Variants in PPP2R2B observed in about 807,000 individuals in gnomAD.
PPP2R2B encodes protein phosphatase 2 regulatory subunit Bbeta.
Under a neutral mutation model 46.0 loss-of-function variants are expected in PPP2R2B, and 5 were observed. That is an observed-to-expected ratio of 0.11 (90% CI 0.06 to 0.23). PPP2R2B has a LOEUF of 0.23. Ranked by LOEUF, PPP2R2B falls within the 10% of genes least tolerant of loss-of-function variation. PPP2R2B has a pLI of 1.00. For missense variants in PPP2R2B, 367 were observed against 575.0 expected (o/e 0.64, Z 3.70); for synonymous variants, 215 against 206.7 (o/e 1.04, Z -0.34).
chr5:146,751,510 T>A (rs928165258), intron 2 of PPP2R2B: 4 of 152,258 alleles, frequency 2.6e-5, no homozygotes, highest in African/African-American at 7.2e-5. Context: ...TTGCAGCATA[T>A]CATGACTCAA....
intron 2 of PPP2R2B, among the ~76,000 whole-genome samples, chr5:146,864,186 T>G (rs1238327639): frequency 6.6e-6 from 1 of 152,066 alleles, no homozygotes; most frequent in Non-Finnish European, 1.5e-5. Flanking sequence ...CTTCCATCAT[T>G]AGGTGGCTAG....
At chr5:146,907,803 C>A (rs542832362) in intron 1 of PPP2R2B, among the ~76,000 whole-genome samples, 1 of 152,236 alleles carries the variant, frequency 6.6e-6, no homozygotes, top group East Asian at 1.9e-4. Context: ...CTATTGGGTC[C>A]TGTGTGTTTA....
At chr5:147,059,936 G>C (rs753927081), upstream of PPP2R2B, among the ~76,000 whole-genome samples, 1 of 152,090 alleles carries the variant, frequency 6.6e-6, no homozygotes, top group Non-Finnish European at 1.5e-5. Flanking sequence ...TTACAGAAAA[G>C]TTACCCTGAT....
At chr5:146,770,464 T>G (rs1167083420) in intron 2 of PPP2R2B, among the ~76,000 whole-genome samples, 4 of 151,834 alleles carry the variant, frequency 2.6e-5, no homozygotes, top group African/African-American at 9.7e-5. Context: ...TACTACTAAG[T>G]AAGAAACTAT....
rs72825263 is a variant in PPP2R2B, at chr5:146,948,918, C to T, written c.79+106747G>A. ...TCCTGAAACTGCTGTACATAAGACTCATCTAAGGACTTTGCTAAAAATCAC... is the reference window on the plus strand; with the variant it reads ...TCCTGAAACTGCTGTACATAAGACTTATCTAAGGACTTTGCTAAAAATCAC... On this transcript the variant is annotated intron_variant, in intron 1 of 8. Transcript: ENST00000336640. Among the ~76,000 whole-genome samples, 224 of 152,202 alleles carry T rather than the reference C, an allele frequency of 1.5e-3. 4 individuals carry two copies. In the South Asian group the frequency reaches 0.029, roughly 20 times the overall value.
chr5:146,712,070 A>AT (rs1353832498), intron 2 of PPP2R2B, among the ~76,000 whole-genome samples: 1 of 152,166 alleles, frequency 6.6e-6, no homozygotes, highest in Non-Finnish European at 1.5e-5. Context: ...CAAGGATTTG[A>AT]TTTTTTCCTC....
chr5:146,923,656 T>A (rs1011623980), intron 1 of PPP2R2B, among the ~76,000 whole-genome samples: 2 of 152,188 alleles, frequency 1.3e-5, no homozygotes, highest in Non-Finnish European at 2.9e-5. Context: ...TTGAAGACAG[T>A]GTGGCAATTC....
chr5:146,900,426 C>A (rs1762788683), intron 1 of PPP2R2B, among the ~76,000 whole-genome samples: 1 of 152,124 alleles, frequency 6.6e-6, no homozygotes, highest in Non-Finnish European at 1.5e-5. Flanking sequence ...TGTAAAGGAA[C>A]ATTATGTCAT....
chr5:146,843,420 G>A (rs1314633734), intron 2 of PPP2R2B, among the ~76,000 whole-genome samples: 1 of 152,168 alleles, frequency 6.6e-6, no homozygotes, highest in Non-Finnish European at 1.5e-5. Flanking sequence ...TGCAGTGATA[G>A]AGTAGATAAG....
At chr5:147,014,250 G>A (rs1490455566) in intron 1 of PPP2R2B, among the ~76,000 whole-genome samples, 4,324 of 145,880 alleles carry the variant, frequency 0.03, 241 homozygotes, top group African/African-American at 0.1. Context: ...GTGCTGGAGA[G>A]GATGTGGAGA....
intron 1 of PPP2R2B, among the ~76,000 whole-genome samples, chr5:146,960,251 A>G (rs1752107526): frequency 6.6e-6 from 1 of 152,126 alleles, no homozygotes; most frequent in Non-Finnish European, 1.5e-5. Context: ...AAGGCATTTC[A>G]TCACTCAGAT....
intron 2 of PPP2R2B, among the ~76,000 whole-genome samples, chr5:146,757,182 G>C (rs1367591723): frequency 1.3e-5 from 2 of 152,128 alleles, no homozygotes; most frequent in Non-Finnish European, 2.9e-5. Context: ...GAGTGGAGAG[G>C]GAGGGAGGTA....
intron 7 of PPP2R2B, among the ~76,000 whole-genome samples, chr5:146,631,868 G>A (rs962711506): frequency 6.6e-6 from 1 of 152,098 alleles, no homozygotes; most frequent in East Asian, 1.9e-4. Flanking sequence ...CTTCCAATGT[G>A]TCAGGGGCTG....
chr5:147,048,620 GTTTTACAACACTT>G (rs1421109217), intron 1 of PPP2R2B, among the ~76,000 whole-genome samples: 1 of 152,056 alleles, frequency 6.6e-6, no homozygotes, highest in Non-Finnish European at 1.5e-5. Flanking sequence ...TATGCTAGGT[GTTTTACAACACTT>G]TTTTTCACTC....
Position 146,836,987 on chromosome 5 carries a change from G to A in PPP2R2B, c.70+41015C>T, listed in dbSNP as rs372308055. On this transcript the variant is annotated intron_variant, in intron 2 of 9. Transcript: ENST00000394411. ...TTGAACACTTGGTTTTAGGTGCTAC[G>A]CCAACAACTAGCAGCACCAATAATA... Among the ~76,000 whole-genome samples the A allele has an allele frequency of 4.4e-3, 669 of 152,214 alleles. 4 individuals carry two copies. Among genetic ancestry groups the A allele is most frequent in the African/African-American group, 0.015 (638 of 41,546 alleles).
At chr5:146,774,065 T>C (rs1482015366) in intron 2 of PPP2R2B, among the ~76,000 whole-genome samples, 6 of 152,208 alleles carry the variant, frequency 3.9e-5, no homozygotes, top group African/African-American at 1.2e-4. Flanking sequence ...GTGAATTCTG[T>C]GGACTTATAA....
chr5:146,772,383 CATATATATATATATATATATAT>C (rs33981708), intron 2 of PPP2R2B, among the ~76,000 whole-genome samples: 10,336 of 133,496 alleles, frequency 0.077, 551 homozygotes, highest in African/African-American at 0.12. Context: ...ATAACTTGTG[CATATATATATATATATATATAT>C]ATATATATAT....
chr5:146,641,517 TTTTTTTTTTTTTG>T (rs1775213744), intron 6 of PPP2R2B, among the ~76,000 whole-genome samples: 1 of 150,718 alleles, frequency 6.6e-6, no homozygotes, highest in Admixed American at 6.6e-5. Context: ...TTTTTTTTTT[TTTTTTTTTTTTTG>T]AAGCAGAATT....
chr5:146,716,076 G>C (rs1780481121), intron 2 of PPP2R2B, among the ~76,000 whole-genome samples: 1 of 152,010 alleles, frequency 6.6e-6, no homozygotes, highest in Non-Finnish European at 1.5e-5. Flanking sequence ...CATGTCCCTT[G>C]TGGGCAGGAT....
Sources: allele counts gnomAD v4.1 joint callset (sites outside exome capture counted in the v4.1 genomes callset), GRCh38; gene constraint gnomAD v4.1.1; transcripts MANE v1.5; gene names NCBI Gene and HGNC (gene_info 2026-07-23, HGNC 2026-07-21).